Variants in ADGRL3 observed in about 807,000 individuals in gnomAD.
ADGRL3 encodes adhesion G protein-coupled receptor L3, also known as calcium-independent alpha-latrotoxin receptor 3.
In ADGRL3, 62 loss-of-function variants were observed where a neutral mutation model predicts 153.5. The ratio of observed to expected loss-of-function variants is 0.40; its 90% CI spans 0.33 to 0.50. The LOEUF (loss-of-function observed/expected upper bound fraction) is 0.50. Ranked by LOEUF, ADGRL3 falls within the 20% of genes least tolerant of loss-of-function variation. The pLI, the probability that ADGRL3 is intolerant of heterozygous loss-of-function variation, is 0.47. For synonymous variants in ADGRL3, 710 were observed against 672.5 expected, an observed-to-expected ratio of 1.06 and a Z score of -0.86; for missense variants, 1,641 against 1,859.4, an observed-to-expected ratio of 0.88 and a Z score of 2.16.
intron 17 of ADGRL3, among the ~76,000 whole-genome samples, chr4:61,958,638 G>T (rs1432338131): frequency 1.3e-5 from 2 of 152,002 alleles, no homozygotes; most frequent in Non-Finnish European, 2.9e-5. Context: ...GAGAGAGAGA[G>T]CAGGGAAAAC....
intron 1 of ADGRL3, among the ~76,000 whole-genome samples, chr4:61,358,524 G>C (rs2096225636): frequency 6.6e-6 from 1 of 151,208 alleles, no homozygotes; most frequent in South Asian, 2.1e-4. Context: ...GTGAACTCGG[G>C]AGGCGGAGCT....
chr4:61,293,590 G>A, intron 1 of ADGRL3, among the ~76,000 whole-genome samples: 1 of 152,138 alleles, frequency 6.6e-6, no homozygotes, highest in East Asian at 1.9e-4. Context: ...GCCTACTTAT[G>A]TGTTCCATGT....
At chr4:61,371,950 A>T (rs554316100) in intron 1 of ADGRL3, among the ~76,000 whole-genome samples, 11 of 152,038 alleles carry the variant, frequency 7.2e-5, no homozygotes, top group African/African-American at 2.7e-4. Context: ...TTTTTTCTCT[A>T]AACTTCCGTT....
intron 2 of ADGRL3, among the ~76,000 whole-genome samples, chr4:61,465,548 AT>A (rs2097868636): frequency 6.6e-6 from 1 of 151,658 alleles, no homozygotes; most frequent in South Asian, 2.1e-4. Context: ...AAAGAAAAAA[AT>A]ATACTTTCTA....
chr4:61,895,543 T>C (rs971154440), intron 10 of ADGRL3, among the ~76,000 whole-genome samples, 188 bp from the exon 11 acceptor site: 3 of 152,126 alleles, frequency 2.0e-5, no homozygotes, highest in Admixed American at 6.5e-5. Flanking sequence ...TTCAAACATA[T>C]TGTATGTTTT....
At chr4:61,959,896 T>A (rs1302362874) in intron 17 of ADGRL3, among the ~76,000 whole-genome samples, 1 of 152,144 alleles carries the variant, frequency 6.6e-6, no homozygotes, top group Non-Finnish European at 1.5e-5. Context: ...TATAGTATGG[T>A]GGGATTTAGG....
At chr4:61,445,579 G>A (rs1021665393) in intron 2 of ADGRL3, among the ~76,000 whole-genome samples, 20 of 152,172 alleles carry the variant, frequency 1.3e-4, no homozygotes, top group African/African-American at 3.4e-4. Flanking sequence ...GTTAGTTAAA[G>A]AGGCAGTTGC....
At chr4:61,749,501 C>T (rs1013926807) in intron 8 of ADGRL3, among the ~76,000 whole-genome samples, 6 of 152,174 alleles carry the variant, frequency 3.9e-5, no homozygotes, top group Non-Finnish European at 7.3e-5. Context: ...AAATGTGGCA[C>T]ATATACACCG....
At chr4:61,668,728 A>T (rs2343574) in intron 5 of ADGRL3, among the ~76,000 whole-genome samples, 1 of 152,134 alleles carries the variant, frequency 6.6e-6, no homozygotes, top group African/African-American at 2.4e-5. Flanking sequence ...TCAAAAAAAA[A>T]AAAATGGAGG....
chr4:61,600,208 T>C (rs2099005396), intron 5 of ADGRL3, among the ~76,000 whole-genome samples: 2 of 138,918 alleles, frequency 1.4e-5, no homozygotes, highest in Non-Finnish European at 3.0e-5. Flanking sequence ...TTCAGGAGGC[T>C]GAGGCAGGAG....
At chr4:61,479,373 G>A (rs1182430553) in intron 2 of ADGRL3, among the ~76,000 whole-genome samples, 1 of 152,006 alleles carries the variant, frequency 6.6e-6, no homozygotes, top group African/African-American at 2.4e-5. Context: ...TCAAAAAAAT[G>A]TATTGCTTAT....
chr4:61,683,074 A>C (rs1198314926), intron 6 of ADGRL3, among the ~76,000 whole-genome samples: 1 of 151,180 alleles, frequency 6.6e-6, no homozygotes, highest in Non-Finnish European at 1.5e-5. Context: ...AGAGGTCTTC[A>C]TGGATGCTCT....
At chr4:61,371,797 A>G (rs1018598895) in intron 1 of ADGRL3, among the ~76,000 whole-genome samples, 44 of 152,036 alleles carry the variant, frequency 2.9e-4, no homozygotes, top group Non-Finnish European at 7.4e-5. Flanking sequence ...GATTGGGGAA[A>G]TTCTCCTGGA....
At chr4:61,525,440 T>C (rs2152933628) in intron 4 of ADGRL3, among the ~76,000 whole-genome samples, 1 of 152,246 alleles carries the variant, frequency 6.6e-6, no homozygotes, top group African/African-American at 2.4e-5. Flanking sequence ...GAAAGGCAGT[T>C]TGTAGCTACC....
intron 23 of ADGRL3, among the ~76,000 whole-genome samples, chr4:62,036,174 A>C (rs1402302774): frequency 6.6e-6 from 1 of 152,140 alleles, no homozygotes; most frequent in Non-Finnish European, 1.5e-5. Flanking sequence ...AAAAATAAGT[A>C]ATTTTGCCAT....
At chr4:62,018,720 C>T (rs775519429) in intron 21 of ADGRL3, among the ~76,000 whole-genome samples, 13 of 152,120 alleles carry the variant, frequency 8.5e-5, no homozygotes, top group Non-Finnish European at 1.9e-4. Flanking sequence ...CCCCAGCTTT[C>T]CTTTCAGAGG....
rs78131631 is a variant in ADGRL3 at position 61,661,003 on chromosome 4, G to A, written c.474-15823G>A. On this transcript the variant is annotated intron_variant, in intron 5 of 26. Coordinates refer to ENST00000683033, the MANE Select transcript of ADGRL3 (RefSeq NM_001387552.1). ...TAGATTCAGTAACCCATCATTTATT[G>A]AATATGTATATTCAACTGGGTTATA... Among the ~76,000 whole-genome samples the A allele has an allele frequency of 6.0e-3, 917 of 151,868 alleles. 5 individuals are homozygous for A. Among genetic ancestry groups the A allele is most frequent in the African/African-American group, 0.021 (874 of 41,420 alleles).
At chr4:61,833,017 G>T (rs192059903) in intron 9 of ADGRL3, among the ~76,000 whole-genome samples, 1 of 152,014 alleles carries the variant, frequency 6.6e-6, no homozygotes, top group Admixed American at 6.6e-5. Flanking sequence ...GCAAGATTTC[G>T]AGGATTTTCG....
At chr4:61,999,470 T>A (rs2099133009) in intron 21 of ADGRL3, among the ~76,000 whole-genome samples, 1 of 152,212 alleles carries the variant, frequency 6.6e-6, no homozygotes, top group South Asian at 2.1e-4. Context: ...TAGATGCATA[T>A]TAGTTATTAA....
Sources: allele counts gnomAD v4.1 joint callset (sites outside exome capture counted in the v4.1 genomes callset), GRCh38; gene constraint gnomAD v4.1.1; transcripts MANE v1.5; gene names NCBI Gene and HGNC (gene_info 2026-07-23, HGNC 2026-07-21).